UBE2G2: variants seen among roughly 807,000 people sequenced by gnomAD.
The protein encoded by UBE2G2 is ubiquitin-conjugating enzyme E2 G2.
A neutral mutation model predicts 23.0 loss-of-function variants in UBE2G2; 10 were observed. The observed-to-expected ratio is 0.43, with a 90% CI of 0.27 to 0.74. The LOEUF (loss-of-function observed/expected upper bound fraction) is 0.74. Among genes scored for constraint, UBE2G2 ranks in the 30% least tolerant of loss-of-function variants. The pLI is 0.19. For synonymous variants in UBE2G2, 86 were observed against 81.3 expected, an observed-to-expected ratio of 1.06 and a Z score of -0.31; for missense variants, 150 against 218.3, an observed-to-expected ratio of 0.69 and a Z score of 1.97.
chr21:44,773,137 G>A (rs2082886998), intron 5 of UBE2G2, among the ~76,000 whole-genome samples: 2 of 152,174 alleles, frequency 1.3e-5, no homozygotes, highest in South Asian at 4.1e-4. Context: ...GTCCCTGCAT[G>A]TGTCTGATCT....
intron 4 of UBE2G2, chr21:44,775,516 T>TA (rs1555960476): frequency 6.6e-6 from 1 of 152,220 alleles, no homozygotes; most frequent in Non-Finnish European, 1.5e-5. Context: ...AGATAATTTT[T>TA]AAAAAATCAA....
Position 44,797,757 on chromosome 21 carries a change from C to T in UBE2G2, c.43+3949G>A, listed in dbSNP as rs933792258. ...AAAAAAAAAAGAGAAAATACCTGCTCACAGTCTAGCCTAACCCTAGAAATA... is the reference window on the plus strand; with the variant it reads ...AAAAAAAAAAGAGAAAATACCTGCTTACAGTCTAGCCTAACCCTAGAAATA... On this transcript the variant is annotated intron_variant, in intron 1 of 5. Coordinates refer to ENST00000345496, the MANE Select transcript of UBE2G2 (RefSeq NM_003343.6). 4.1e-5 allele frequency among the ~76,000 whole-genome samples: 6 copies of T among 147,244 alleles called. No individual in the cohort carries two copies. The East Asian group carries it at 1.2e-3, about 29-fold the overall frequency.
At chr21:44,801,461 C>T (rs1229694204) in intron 1 of UBE2G2, 17 of 1,177,636 alleles carry the variant, frequency 1.4e-5, no homozygotes, top group African/African-American at 3.2e-5. Flanking sequence ...ACTGTGTGTG[C>T]TCTCAACTAA....
chr21:44,786,757 C>T (rs1215038688), intron 3 of UBE2G2, among the ~76,000 whole-genome samples: 1 of 152,168 alleles, frequency 6.6e-6, no homozygotes, highest in African/African-American at 2.4e-5. Flanking sequence ...CAAAATCCAA[C>T]CCAAGACCTT....
rs1246347043 is a variant in UBE2G2, at chr21:44,770,151, G to A, written c.*1226C>T. 6.6e-6 allele frequency: 1 copy of A among 152,184 alleles called. No individual in the cohort carries two copies. Among genetic ancestry groups the A allele is most frequent in the African/African-American group, 2.4e-5 (1 of 41,444 alleles). The allele number at this position is 152,184 out of a possible 1,614,324, so 9.4% of individuals were successfully genotyped here. A position where few individuals can be genotyped will look rare whatever the true frequency, so the allele number is the denominator to read the frequency against. ...CCTCTGTGCTCTGAGCTAAGATATGGTAGAGTCCCTTCTGAATTTTGAGTT... is the reference window on the plus strand; with the variant it reads ...CCTCTGTGCTCTGAGCTAAGATATGATAGAGTCCCTTCTGAATTTTGAGTT... On this transcript the variant is annotated 3_prime_UTR_variant, in exon 6 of 6. Transcript: ENST00000345496.
chr21:44,778,295 C>T (rs938470272), intron 3 of UBE2G2, among the ~76,000 whole-genome samples: 1 of 152,246 alleles, frequency 6.6e-6, no homozygotes, highest in Non-Finnish European at 1.5e-5. Context: ...AGGCTAGGCA[C>T]ACAGGCACCA....
intron 3 of UBE2G2, among the ~76,000 whole-genome samples, chr21:44,783,380 T>C (rs1229445813): frequency 1.3e-5 from 2 of 152,128 alleles, no homozygotes; most frequent in African/African-American, 4.8e-5. Flanking sequence ...AAACGCAAAT[T>C]TACTCCACAC....
At chr21:44,789,230 G>T (rs1555962585) in intron 1 of UBE2G2, 1 of 151,630 alleles carries the variant, frequency 6.6e-6, no homozygotes. Context: ...ACCAAAAATA[G>T]AAAAATTAGC....
chr21:44,785,288 G>C (rs370763048), intron 3 of UBE2G2, among the ~76,000 whole-genome samples: 1 of 152,224 alleles, frequency 6.6e-6, no homozygotes, highest in Admixed American at 6.5e-5. Flanking sequence ...CACCATGAGC[G>C]TGGCAGGGTC....
chr21:44,801,541 C>T, intron 1 of UBE2G2, 165 bp downstream of exon 1: 1 of 1,143,526 alleles, frequency 8.7e-7, no homozygotes, highest in Non-Finnish European at 1.1e-6. Flanking sequence ...TGAGAGTGGG[C>T]AGCGGGCGCA....
At chr21:44,794,543 T>G (rs1359340902) in intron 1 of UBE2G2, among the ~76,000 whole-genome samples, 1 of 151,310 alleles carries the variant, frequency 6.6e-6, no homozygotes, top group Non-Finnish European at 1.5e-5. Context: ...TTTTGTTTTT[T>G]TTTTTTTTTG....
chr21:44,788,160 A>G, intron 1 of UBE2G2, 65 bp from the exon 2 acceptor site: 2 of 1,445,950 alleles, frequency 1.4e-6, no homozygotes, highest in Non-Finnish European at 1.9e-6. Context: ...TTTTAACAAA[A>G]CACCTTTACA....
At chr21:44,773,718 CAGGA>C (rs2082891667) in intron 4 of UBE2G2, 31 bp from the exon 5 acceptor site, 1 of 1,605,140 alleles carries the variant, frequency 6.2e-7, no homozygotes. Context: ...CAAGTGAGCC[CAGGA>C]ATGGTGCCCG....
chr21:44,794,525 C>G (rs1555963368), intron 1 of UBE2G2, among the ~76,000 whole-genome samples: 1 of 148,210 alleles, frequency 6.7e-6, no homozygotes, highest in African/African-American at 2.5e-5. Flanking sequence ...TAATAAAAAC[C>G]CTTCTTTTTT....
intron 1 of UBE2G2, among the ~76,000 whole-genome samples, chr21:44,799,814 C>T (rs2083121146): frequency 6.6e-6 from 1 of 152,238 alleles, no homozygotes. Context: ...TCTTGACTTT[C>T]AACATTCCTT....
chr21:44,769,084 G>T lies in UBE2G2; in HGVS notation c.*2293C>A, dbSNP rs2082850922. The T allele has an allele frequency of 6.6e-6, 1 of 152,144 alleles. No homozygotes were observed. 9.4% of individuals were successfully genotyped at this position (152,144 alleles called of 1,614,324 possible). ...AGAACTTTATTTCAACAGTCATTAG[G>T]TTCCACCACACAACAGGGACACCAT... On this transcript the variant is annotated 3_prime_UTR_variant, in exon 6 of 6. Coordinates refer to ENST00000345496, the MANE Select transcript of UBE2G2 (RefSeq NM_003343.6).
intron 3 of UBE2G2, among the ~76,000 whole-genome samples, chr21:44,778,043 T>A (rs1555960818): frequency 6.6e-6 from 1 of 152,186 alleles, no homozygotes; most frequent in East Asian, 1.9e-4. Context: ...AGAAAAGAAC[T>A]AATGTCAATG....
intron 1 of UBE2G2, among the ~76,000 whole-genome samples, chr21:44,795,207 G>A (rs960686961): frequency 1.3e-5 from 2 of 152,022 alleles, no homozygotes; most frequent in Non-Finnish European, 2.9e-5. Context: ...ATGTTGCAGT[G>A]AGCTGAGATC....
chr21:44,796,098 A>G (rs2083086566), intron 1 of UBE2G2, among the ~76,000 whole-genome samples: 1 of 152,216 alleles, frequency 6.6e-6, no homozygotes, highest in Admixed American at 6.5e-5. Context: ...CTGTTGTGCT[A>G]AGCCCCCCAT....
Sources: gnomAD v4.1 joint callset for allele counts (sites outside exome capture counted in the v4.1 genomes callset) on GRCh38, gnomAD v4.1.1 for gene constraint, MANE v1.5 for transcripts, NCBI Gene and HGNC (gene_info 2026-07-23, HGNC 2026-07-21) for gene names.